STIL: variants seen among roughly 807,000 people sequenced by gnomAD.
The protein encoded by STIL is SCL-interrupting locus protein.
STIL carries 55 observed loss-of-function variants against 110.1 expected under a neutral mutation model. That is an observed-to-expected ratio of 0.50 (90% confidence interval 0.40 to 0.63). The LOEUF (loss-of-function observed/expected upper bound fraction) is 0.63, where lower values mean the gene tolerates loss of function less well. STIL is among the 20% of genes least tolerant of loss of function. The pLI is 0.00. For missense variants in STIL, 1,358 were observed against 1,530.0 expected (o/e 0.89, Z 1.87); for synonymous variants, 481 against 530.0 (o/e 0.91, Z 1.27).
intron 15 of STIL, 130 bp downstream of exon 15, chr1:47,262,773 A>T: frequency 1.3e-6 from 1 of 775,116 alleles, no homozygotes; most frequent in Non-Finnish European, 2.1e-6. Context: ...AAGAAAAATT[A>T]CATTGTTAAT....
chr1:47,256,182 A>C (rs1644321332), intron 16 of STIL, among the ~76,000 whole-genome samples: 1 of 152,232 alleles, frequency 6.6e-6, no homozygotes, highest in Non-Finnish European at 1.5e-5. Context: ...GATTATAAAT[A>C]CTGACAGTAA....
chr1:47,311,283 CTTTTT>C (rs536667689), intron 1 of STIL, among the ~76,000 whole-genome samples: 3 of 132,230 alleles, frequency 2.3e-5, no homozygotes, highest in African/African-American at 8.5e-5. Context: ...TTCTTTTTTT[CTTTTT>C]TTTTTTTTTT....
chr1:47,294,387 C>T (rs12184297), intron 7 of STIL, among the ~76,000 whole-genome samples: 41,251 of 152,178 alleles, frequency 0.27, 5,884 homozygotes, highest in Non-Finnish European at 0.32. Flanking sequence ...TCAAGCATAA[C>T]ACTGTATATA....
In STIL at chr1:47,269,818, G is replaced by A. The variant is rs139459123; in HGVS notation, c.2432C>T (p.Ser811Phe). 6 of 1,614,154 alleles carry A rather than the reference G, an allele frequency of 3.7e-6. No individual in the cohort carries two copies. The highest frequency in any genetic ancestry group is 5.1e-6 in the Non-Finnish European group (6 of 1,180,038). Residue 811 changes from serine (S) to phenylalanine (F), a missense_variant, in exon 14 of 17, where the codon TCT (serine) becomes TTT (phenylalanine). Physicochemically the swap from Ser to Phe is radical, Grantham distance 155 (BLOSUM62 -2). Coordinates refer to ENST00000371877, the MANE Select transcript of STIL (RefSeq NM_001048166.1). ...NAAGEDQEPDSQMKQDDTKIS... is the reference protein window; with the variant it reads ...NAAGEDQEPDFQMKQDDTKIS... Reference sequence around the variant, plus strand: ...TTTGGTATCATCTTGCTTCATTTGAGAGTCAGGCTCTTGATCCTCACCTGC... The same window carrying A: ...TTTGGTATCATCTTGCTTCATTTGAAAGTCAGGCTCTTGATCCTCACCTGC...
In STIL at chr1:47,260,378, A is replaced by G; in HGVS notation, c.2991T>C (p.Asn997=). Residue 997 remains asparagine, a synonymous_variant, in exon 16 of 17, where the codon AAT becomes AAC. Transcript: ENST00000371877. The part of the protein sequence containing the change: ...SRLVDKDCVL[N]ATLKQLRSLG... Reference sequence around the variant, plus strand: ...GGCTTCTTAGTTGCTTAAGAGTTGCATTAAGGACACAATCTTTGTCCACCA... The same window carrying G: ...GGCTTCTTAGTTGCTTAAGAGTTGCGTTAAGGACACAATCTTTGTCCACCA... 6.2e-7 allele frequency: 1 copy of G among 1,614,192 alleles called. No individual in the cohort carries two copies. Among genetic ancestry groups the G allele is most frequent in the South Asian group, 1.1e-5 (1 of 91,080 alleles).
chr1:47,262,923 T>C lies in STIL; in HGVS notation c.2809A>G (p.Lys937Glu). Residue 937 changes from lysine (K) to glutamate (E), a missense_variant, in exon 15 of 17, where the codon AAA (lysine) becomes GAA (glutamate). Transcript: ENST00000371877. ...CTTACCAATAAATCCTGGTAAATTT[T>C]CTGGTTATCTGATGGTTGATGAAGC... ...PLLHQPSDNQ[K>E]IYQDLLGQVN... 2 of 1,614,176 alleles carry C rather than the reference T, an allele frequency of 1.2e-6. No homozygotes were observed. Among genetic ancestry groups the C allele is most frequent in the Non-Finnish European group, 8.5e-7 (1 of 1,180,012 alleles).
At chr1:47,269,550 C>T in intron 14 of STIL, 85 bp downstream of exon 14, 1 of 970,216 alleles carries the variant, frequency 1.0e-6, no homozygotes, top group Non-Finnish European at 1.6e-6. Context: ...ACATTGTGCC[C>T]CACAAATATA....
intron 12 of STIL, among the ~76,000 whole-genome samples, chr1:47,275,317 AT>A (rs879349718): frequency 8.0e-5 from 12 of 149,256 alleles, no homozygotes; most frequent in Non-Finnish European, 8.9e-5. Context: ...TTTTAAAAAG[AT>A]TTTTTTTTTG....
chr1:47,301,544 T>C lies in STIL; in HGVS notation c.453+17A>G, dbSNP rs770923483. 1 of 1,609,710 alleles carries C rather than the reference T, an allele frequency of 6.2e-7. No individual in the cohort carries two copies. Among genetic ancestry groups the C allele is most frequent in the Admixed American group, 1.7e-5 (1 of 60,018 alleles). On this transcript the variant is annotated intron_variant, in intron 5 of 16. Coordinates refer to ENST00000371877, the MANE Select transcript of STIL (RefSeq NM_001048166.1). ...TTCTTGTGTTGAATTAACTATCAAGTTGTCAATGAATCGCACCTTTAAAGC... is the reference window on the plus strand; with the variant it reads ...TTCTTGTGTTGAATTAACTATCAAGCTGTCAATGAATCGCACCTTTAAAGC...
At chr1:47,257,215 T>C (rs1338696363) in intron 16 of STIL, among the ~76,000 whole-genome samples, 1 of 152,242 alleles carries the variant, frequency 6.6e-6, no homozygotes, top group Non-Finnish European at 1.5e-5. Context: ...ACTGAAACAA[T>C]GCGAATTAAT....
chr1:47,265,563 C>T (rs1393598714), intron 14 of STIL, among the ~76,000 whole-genome samples: 3 of 151,252 alleles, frequency 2.0e-5, no homozygotes, highest in African/African-American at 7.3e-5. Context: ...GGCAGATCAT[C>T]TGAGGTCAGG....
rs747053765 is a variant in STIL at position 47,280,689 on chromosome 1, G to T, written c.1769C>A (p.Pro590His). Residue 590 changes from proline to histidine, a missense_variant, in exon 12 of 17, where the codon CCT becomes CAT. By Grantham distance (77) the Pro-to-His change is moderately conservative. Transcript: ENST00000371877. ...NSGRPMELQI[P>H]TPPLPSYCST... The stretch of plus-strand genomic sequence containing the variant: ...ACAGTAAGATGGCAGTGGGGGAGTA[G>T]GTATCTGAAGTTCCATTGGTCTTCC... 1 of 1,614,090 alleles carries T rather than the reference G, an allele frequency of 6.2e-7. No homozygotes were observed. The highest frequency in any genetic ancestry group is 1.3e-5 in the African/African-American group (1 of 74,918).
At position 47,280,468 on chromosome 1, in the gene STIL, C is replaced by G; in HGVS notation, c.1990G>C (p.Ala664Pro). Residue 664 changes from alanine to proline, a missense_variant, in exon 12 of 17, where the codon GCC (alanine) becomes CCC (proline). Physicochemically the swap from Ala to Pro is conservative, Grantham distance 27. Coordinates refer to ENST00000371877, the MANE Select transcript of STIL (RefSeq NM_001048166.1). ...CCCATATCTCCCTGAGGTCTCAAGGCTATAGGACTACTTGAAGAACAGAAT... is the reference window on the plus strand; with the variant it reads ...CCCATATCTCCCTGAGGTCTCAAGGGTATAGGACTACTTGAAGAACAGAAT... ...NAFCSSSSPI[A>P]LRPQGDMGSC... The G allele has an allele frequency of 6.2e-7, 1 of 1,614,212 alleles. No individual in the cohort carries two copies. Among genetic ancestry groups the G allele is most frequent in the Non-Finnish European group, 8.5e-7 (1 of 1,180,028 alleles).
chr1:47,254,268 T>C (rs1449864578), intron 16 of STIL, among the ~76,000 whole-genome samples: 1 of 151,406 alleles, frequency 6.6e-6, no homozygotes, highest in Admixed American at 6.6e-5. Flanking sequence ...TCACTAATGC[T>C]GGTCTTTACA....
At position 47,286,681 on chromosome 1, in the gene STIL, G is replaced by A. The variant is rs528186466; in HGVS notation, c.1133+870C>T. On this transcript the variant is annotated intron_variant, in intron 10 of 16. Coordinates refer to ENST00000371877, the MANE Select transcript of STIL (RefSeq NM_001048166.1). ...TGCACTCCAGCCTGGGCGACAGAGC[G>A]AGGCTCTGTCTCAAAGAAAAAAAAG... Among the ~76,000 whole-genome samples the A allele has an allele frequency of 4.0e-4, 61 of 151,862 alleles. No individual in the cohort carries two copies. In the South Asian group the frequency reaches 5.4e-3, roughly 13 times the overall value.
intron 10 of STIL, chr1:47,283,007 G>C (rs1463739808): frequency 6.5e-6 from 1 of 153,082 alleles, no homozygotes; most frequent in Non-Finnish European, 1.5e-5. Flanking sequence ...TCTGAGTGCT[G>C]GTACCAAGTT....
rs760733125 is a variant in STIL at position 47,281,119 on chromosome 1, T to C, written c.1339A>G (p.Met447Val). The C allele has an allele frequency of 8.7e-6, 14 of 1,614,050 alleles. No homozygotes were observed. The African/African-American group carries it at 1.6e-4, about 18-fold the overall frequency. ...ESNPLPTPLE[M>V]VNNENPPLIN... is the part of the protein sequence containing the mutation. ...AAAGGAGGATTTTCATTATTCACCA[T>C]TTCCAATGGAGTAGGCAGAGGGTTT... Residue 447 changes from methionine (M) to valine (V), a missense_variant, in exon 12 of 17, where the codon ATG (methionine) becomes GTG (valine). Met to Val is a conservative substitution (Grantham distance 21). Coordinates refer to ENST00000371877, the MANE Select transcript of STIL (RefSeq NM_001048166.1).
At chr1:47,292,811 T>A (rs1373416732) in intron 8 of STIL, among the ~76,000 whole-genome samples, 2 of 152,224 alleles carry the variant, frequency 1.3e-5, no homozygotes, top group Non-Finnish European at 2.9e-5. Flanking sequence ...TATTTACATA[T>A]GTCAATTTAT....
chr1:47,254,712 T>C (rs1459379239), intron 16 of STIL, among the ~76,000 whole-genome samples: 1 of 151,984 alleles, frequency 6.6e-6, no homozygotes, highest in Non-Finnish European at 1.5e-5. Flanking sequence ...AAATTTTTCT[T>C]TTTGTAAAGA....
Sources: gnomAD v4.1 joint callset for allele counts (sites outside exome capture counted in the v4.1 genomes callset) on GRCh38, gnomAD v4.1.1 for gene constraint, MANE v1.5 for transcripts, NCBI Gene and HGNC (gene_info 2026-07-23, HGNC 2026-07-21) for gene names.